CEP43: variants seen among roughly 807,000 people sequenced by gnomAD.
The protein encoded by CEP43 is centrosomal protein 43.
CEP43 carries 36 observed loss-of-function variants against 52.6 expected under a neutral mutation model. The observed-to-expected ratio is 0.68, with a 90% CI of 0.52 to 0.90. The LOEUF is 0.90. CEP43 is among the 40% of genes least tolerant of loss of function. The pLI, the probability that CEP43 is intolerant of heterozygous loss-of-function variation, is 0.00. For synonymous variants in CEP43, 192 were observed against 172.4 expected (o/e 1.11, Z -0.89); for missense variants, 506 against 472.8 (o/e 1.07, Z -0.65).
intron 12 of CEP43, chr6:167,036,691 A>G: frequency 1.0e-6 from 1 of 983,832 alleles, no homozygotes; most frequent in East Asian, 1.1e-4. Flanking sequence ...TACGTTTTAG[A>G]TATTTTTATT....
intron 12 of CEP43, chr6:167,036,055 G>C (rs1780579317): frequency 2.0e-6 from 2 of 984,706 alleles, no homozygotes; most frequent in African/African-American, 3.5e-5. Flanking sequence ...CACAGATATA[G>C]ACTTCTTCCC....
In CEP43 at chr6:167,010,845, A is replaced by G. The variant is rs779466923; in HGVS notation, c.471A>G (p.Pro157=). 26 of 1,596,472 alleles carry G rather than the reference A, an allele frequency of 1.6e-5. No individual in the cohort carries two copies. The East Asian group carries it at 3.0e-4, about 18-fold the overall frequency. ...TTGATCTATCTGATGTACATTCTCC[A>G]CCAAAGTCACCAGAGGGAAAAACAA... ...GALDLSDVHS[P]PKSPEGKTSA... Residue 157 remains proline, a synonymous_variant, in exon 6 of 13, where the codon CCA becomes CCG. Transcript: ENST00000366847.
At chr6:167,032,445 C>T (rs1469667087) in intron 10 of CEP43, among the ~76,000 whole-genome samples, 158 bp from the exon 11 acceptor site, 2 of 152,064 alleles carry the variant, frequency 1.3e-5, no homozygotes, top group African/African-American at 4.8e-5. Context: ...TTTCATTTGT[C>T]ATTTGTCTTC....
chr6:167,009,525 AAAAAT>A (rs1216541240), intron 5 of CEP43, among the ~76,000 whole-genome samples: 25 of 149,536 alleles, frequency 1.7e-4, no homozygotes, highest in African/African-American at 5.9e-4. Flanking sequence ...AAAAAAAAAA[AAAAAT>A]ACAAGGAATT....
chr6:167,027,210 C>A (rs191004551), intron 10 of CEP43, among the ~76,000 whole-genome samples: 3 of 152,284 alleles, frequency 2.0e-5, no homozygotes, highest in Admixed American at 6.5e-5. Context: ...GTAAGCCTGC[C>A]ATGTAAGTAC....
intron 8 of CEP43, among the ~76,000 whole-genome samples, chr6:167,022,893 A>G (rs564122451): frequency 2.8e-4 from 43 of 152,126 alleles, no homozygotes; most frequent in African/African-American, 9.9e-4. Flanking sequence ...GGGTGCAGCA[A>G]TGATAGAAGA....
rs948754766 is a variant in CEP43 at position 167,051,576 on chromosome 6, G to C, written c.*11598G>C. 6.6e-6 allele frequency: 1 copy of C among 152,104 alleles called. No homozygotes were observed. The highest frequency in any genetic ancestry group is 1.5e-5 in the Non-Finnish European group (1 of 68,008). The allele number at this position is 152,104 out of a possible 1,614,324, so 9.4% of individuals were successfully genotyped here. ...GTTAAATTATGTATTTATTCCTTTA[G>C]TTCTGTCATGTTCTGCTTCTTATAT... On this transcript the variant is annotated 3_prime_UTR_variant, in exon 13 of 13. Transcript: ENST00000366847.
At chr6:167,003,693 G>A (rs1200944085) in intron 3 of CEP43, 30 bp from the exon 4 acceptor site, 1 of 1,403,730 alleles carries the variant, frequency 7.1e-7, no homozygotes, top group Non-Finnish European at 1.0e-6. Context: ...TTGAAGATTT[G>A]CTTACTTACC....
chr6:167,006,344 A>G (rs900064844), intron 5 of CEP43, among the ~76,000 whole-genome samples: 2 of 152,044 alleles, frequency 1.3e-5, no homozygotes, highest in African/African-American at 4.8e-5. Context: ...GTGAAACCCC[A>G]TCTCTACTAA....
At position 167,003,253 on chromosome 6, in the gene CEP43, A is replaced by G. The variant is rs1779778288; in HGVS notation, c.211+6A>G. ...GTTTTTAAATACCAAAGACGGTAAG[A>G]TGTTCAGTTTGTTCTTGTTTATCTA... On this transcript the variant is annotated splice_donor_region_variant and intron_variant, in intron 3 of 12. Coordinates refer to ENST00000366847, the MANE Select transcript of CEP43 (RefSeq NM_007045.4). The G allele has an allele frequency of 1.4e-6, 2 of 1,460,942 alleles. No individual in the cohort carries two copies. Among genetic ancestry groups the G allele is most frequent in the Non-Finnish European group, 1.9e-6 (2 of 1,071,840 alleles). The allele number at this position is 1,460,942 out of a possible 1,614,324, so 90.5% of individuals were successfully genotyped here.
At position 167,022,489 on chromosome 6, in the gene CEP43, G is replaced by C; in HGVS notation, c.660G>C (p.Leu220=). 8 of 1,614,056 alleles carry C rather than the reference G, an allele frequency of 5.0e-6. No individual in the cohort carries two copies. The highest frequency in any genetic ancestry group is 5.9e-6 in the Non-Finnish European group (7 of 1,180,008). The change falls in exon 8 of 13, where the codon CTG becomes CTC. Residue 220 remains leucine (L), a synonymous_variant. Transcript: ENST00000366847. ...AGAGCAAAAGCAGCCTTCACTTACT[G>C]TCCCATGAAACAAAAATTGGATCTT... ...EPKSKSSLHL[L]SHETKIGSFL...
At position 166,999,848 on chromosome 6, in the gene CEP43, G is replaced by T. The variant is rs374633284; in HGVS notation, c.103-212G>T. 34 of 572,158 alleles carry T rather than the reference G, an allele frequency of 5.9e-5. No individual in the cohort carries two copies. In the East Asian group the frequency reaches 9.0e-4, roughly 15 times the overall value. The allele number at this position is 572,158 out of a possible 1,614,324, so 35.4% of individuals were successfully genotyped here. ...GCCCCAGCGTCTCTTCCTCAGGCTC[G>T]GGCATGATCCGCGGCGGGAAAGCAG... On this transcript the variant is annotated intron_variant, in intron 1 of 12. Transcript: ENST00000366847.
chr6:167,035,223 C>A (rs1462739982), intron 12 of CEP43, among the ~76,000 whole-genome samples: 3 of 152,174 alleles, frequency 2.0e-5, no homozygotes, highest in Non-Finnish European at 4.4e-5. Flanking sequence ...ATAATTTTGC[C>A]ATTTACATAG....
intron 7 of CEP43, among the ~76,000 whole-genome samples, chr6:167,014,405 A>C (rs1176092610): frequency 2.6e-5 from 4 of 152,216 alleles, no homozygotes; most frequent in Non-Finnish European, 5.9e-5. Context: ...AAAGATCACA[A>C]AAATTGACTA....
At chr6:167,036,165 G>A (rs1780581941) in intron 12 of CEP43, 1 of 985,228 alleles carries the variant, frequency 1.0e-6, no homozygotes, top group Non-Finnish European at 1.2e-6. Flanking sequence ...GTCATTCATG[G>A]GCCATGAAAA....
intron 7 of CEP43, among the ~76,000 whole-genome samples, 164 bp downstream of exon 7, chr6:167,013,731 T>C (rs1460630184): frequency 6.6e-6 from 1 of 152,212 alleles, no homozygotes; most frequent in Non-Finnish European, 1.5e-5. Flanking sequence ...CCCAGCACTT[T>C]GGGAGTCCAA....
chr6:167,039,689 A>T (rs1360848264), intron 12 of CEP43, among the ~76,000 whole-genome samples: 3 of 152,234 alleles, frequency 2.0e-5, no homozygotes, highest in Non-Finnish European at 4.4e-5. Context: ...GCTGTTTTCC[A>T]TAGTGGTTGT....
intron 10 of CEP43, 117 bp downstream of exon 10, chr6:167,026,732 C>T (rs780503665): frequency 7.5e-6 from 5 of 667,316 alleles, no homozygotes; most frequent in Admixed American, 5.1e-5. Flanking sequence ...GCTGCTCATT[C>T]AGCAGGTGTT....
intron 5 of CEP43, among the ~76,000 whole-genome samples, chr6:167,010,531 TCCTGGAATGGTAGA>T (rs1471318025): frequency 6.6e-6 from 1 of 152,136 alleles, no homozygotes; most frequent in African/African-American, 2.4e-5. Flanking sequence ...AGGAAGTAAA[TCCTGGAATGGTAGA>T]CCTGGGACAG....
Sources: gnomAD v4.1 joint callset for allele counts (sites outside exome capture counted in the v4.1 genomes callset) on GRCh38, gnomAD v4.1.1 for gene constraint, MANE v1.5 for transcripts, NCBI Gene and HGNC (gene_info 2026-07-23, HGNC 2026-07-21) for gene names.